Variants in AADACL4 observed in about 807,000 individuals in gnomAD.
The protein encoded by AADACL4 is arylacetamide deacetylase-like 4.
A neutral mutation model predicts 14.1 loss-of-function variants in AADACL4; 9 were observed. That is an observed-to-expected ratio of 0.64 (90% CI 0.39 to 1.12). The LOEUF is 1.12. Ranked by LOEUF, AADACL4 falls within the 50% of genes most tolerant of loss-of-function variation. The pLI, the probability that AADACL4 is intolerant of heterozygous loss-of-function variation, is 0.01. For synonymous variants in AADACL4, 188 were observed against 201.6 expected (o/e 0.93, Z 0.57); for missense variants, 531 against 516.1 (o/e 1.03, Z -0.28).
intron 1 of AADACL4, among the ~76,000 whole-genome samples, chr1:12,650,829 C>A (rs1164031286): frequency 6.6e-6 from 1 of 152,206 alleles, no homozygotes; most frequent in Non-Finnish European, 1.5e-5. Context: ...CTGCGCCCGG[C>A]CAACAATTGG....
chr1:12,648,678 C>T (rs1411695202), intron 1 of AADACL4, among the ~76,000 whole-genome samples: 3 of 151,754 alleles, frequency 2.0e-5, no homozygotes, highest in African/African-American at 4.8e-5. Flanking sequence ...GCTGGGATTA[C>T]AGGCGTGAGC....
At position 12,644,728 on chromosome 1, in the gene AADACL4, C is replaced by G. The variant is rs746157398; in HGVS notation, c.168+14C>G. 6.2e-7 allele frequency: 1 copy of G among 1,612,598 alleles called. No homozygotes were observed. The highest frequency in any genetic ancestry group is 2.2e-5 in the East Asian group (1 of 44,868). On this transcript the variant is annotated intron_variant, in intron 1 of 3. Transcript: ENST00000376221. ...CTGGTCACTTTGGTGAGTTTACTCT[C>G]AGGCCACGTCGTAACCTGGGGGCTT...
At chr1:12,661,289 A>T (rs149962069) in intron 2 of AADACL4, among the ~76,000 whole-genome samples, 132 of 152,302 alleles carry the variant, frequency 8.7e-4, no homozygotes, top group Non-Finnish European at 1.5e-3. Context: ...GAATGACTGC[A>T]TTAGAAGTGT....
At chr1:12,646,122 A>C (rs1309012517) in intron 1 of AADACL4, among the ~76,000 whole-genome samples, 1 of 152,160 alleles carries the variant, frequency 6.6e-6, no homozygotes, top group South Asian at 2.1e-4. Flanking sequence ...TGGAGACCTT[A>C]TAGAAGCCAA....
chr1:12,658,101 C>CTCTT lies in AADACL4; in HGVS notation c.386-3683_386-3680dup, dbSNP rs1283103773. The stretch of plus-strand genomic sequence containing the variant: ...TCTTTCTTTCTTTCTCTTTCTTTCT[C>CTCTT]TCTTTCTTTCCTTCCTTCCTTCCTT... On this transcript the variant is annotated intron_variant, in intron 2 of 3. Transcript: ENST00000376221. Among the ~76,000 whole-genome samples, 3 of 106,880 alleles carry CTCTT rather than the reference C, an allele frequency of 2.8e-5. 1 individual carries two copies. Among genetic ancestry groups the CTCTT allele is most frequent in the African/African-American group, 8.6e-5 (2 of 23,250 alleles). 70.1% of individuals were successfully genotyped at this position (106,880 alleles called of 152,430 possible). A position where few individuals can be genotyped will look rare whatever the true frequency, so the allele number is the denominator to read the frequency against.
rs575642830 is a variant in AADACL4 at position 12,663,227 on chromosome 1, C to A, written c.449+1373C>A. Among the ~76,000 whole-genome samples, 4 of 152,328 alleles carry A rather than the reference C, an allele frequency of 2.6e-5. No homozygotes were observed. In the East Asian group the frequency reaches 7.7e-4, roughly 29 times the overall value. On this transcript the variant is annotated intron_variant, in intron 3 of 3. Coordinates refer to ENST00000376221, the MANE Select transcript of AADACL4 (RefSeq NM_001013630.2). Reference sequence around the variant, plus strand: ...CTTTGGTTCTGCGAAGCCTTCACCTCTGGGTGAGTTTCTTAGTTTGGGCTG... The same window carrying A: ...CTTTGGTTCTGCGAAGCCTTCACCTATGGGTGAGTTTCTTAGTTTGGGCTG...
Position 12,666,267 on chromosome 1 carries a change from T to C in AADACL4, c.756T>C (p.Ser252=), listed in dbSNP as rs1391571663. The C allele has an allele frequency of 1.9e-6, 3 of 1,614,270 alleles. No individual in the cohort carries two copies. Among genetic ancestry groups the C allele is most frequent in the African/African-American group, 1.3e-5 (1 of 75,080 alleles). The part of the protein sequence containing the change: ...PLLSRKFMVT[S]LCNYLAIDLS... ...TTTCCCGGAAGTTCATGGTGACTTCTCTGTGTAACTATCTGGCCATTGACC... is the reference window on the plus strand; with the variant it reads ...TTTCCCGGAAGTTCATGGTGACTTCCCTGTGTAACTATCTGGCCATTGACC... Residue 252 remains serine (S), a synonymous_variant, in exon 4 of 4, where the codon TCT becomes TCC. Transcript: ENST00000376221.
intron 3 of AADACL4, among the ~76,000 whole-genome samples, chr1:12,664,951 C>T (rs1425566427): frequency 1.3e-5 from 2 of 152,200 alleles, no homozygotes; most frequent in Admixed American, 1.3e-4. Flanking sequence ...GACCAACGCC[C>T]TAGTGTTCTT....
chr1:12,644,823 C>T, intron 1 of AADACL4, 109 bp downstream of exon 1: 1 of 1,244,544 alleles, frequency 8.0e-7, no homozygotes, highest in Non-Finnish European at 1.1e-6. Flanking sequence ...TCTCTTCGGA[C>T]TCCCTCAAGA....
chr1:12,659,906 C>A (rs1156640356), intron 2 of AADACL4, among the ~76,000 whole-genome samples: 5 of 151,780 alleles, frequency 3.3e-5, no homozygotes, highest in African/African-American at 9.7e-5. Context: ...GCAGCCTCAA[C>A]CTCCTGGGCT....
intron 1 of AADACL4, among the ~76,000 whole-genome samples, chr1:12,647,758 T>C (rs1647120241): frequency 6.6e-6 from 1 of 151,712 alleles, no homozygotes; most frequent in Admixed American, 6.6e-5. Context: ...TGGGCTCAGG[T>C]GATCCTCCCA....
chr1:12,645,164 T>C, intron 1 of AADACL4, among the ~76,000 whole-genome samples: 1 of 135,994 alleles, frequency 7.4e-6, no homozygotes, highest in South Asian at 2.6e-4. Flanking sequence ...TCATTCTCTC[T>C]CTTCCTATCT....
rs1185694242 is a variant in AADACL4 at position 12,653,055 on chromosome 1, G to A, written c.385+1716G>A. ...TCTCCTATACTTAGGGGTTGATGACGGGGGAGGTCAGTCTTCAGTATCTAC... is the reference window on the plus strand; with the variant it reads ...TCTCCTATACTTAGGGGTTGATGACAGGGGAGGTCAGTCTTCAGTATCTAC... On this transcript the variant is annotated intron_variant, in intron 2 of 3. Transcript: ENST00000376221. Among the ~76,000 whole-genome samples, 8 of 152,210 alleles carry A rather than the reference G, an allele frequency of 5.3e-5. No individual in the cohort carries two copies. The South Asian group carries it at 6.2e-4, about 12-fold the overall frequency.
intron 1 of AADACL4, among the ~76,000 whole-genome samples, chr1:12,648,073 C>A (rs187740020): frequency 6.6e-6 from 1 of 152,200 alleles, no homozygotes; most frequent in Admixed American, 6.5e-5. Flanking sequence ...CAGGTTCAAG[C>A]GATTCTCCTG....
intron 1 of AADACL4, among the ~76,000 whole-genome samples, chr1:12,645,740 C>T (rs1413010443): frequency 2.6e-5 from 4 of 151,876 alleles, no homozygotes; most frequent in African/African-American, 7.3e-5. Flanking sequence ...GACAGGGTTT[C>T]GCTATGTTGC....
chr1:12,665,198 A>G (rs963930735), intron 3 of AADACL4, among the ~76,000 whole-genome samples: 7 of 151,852 alleles, frequency 4.6e-5, no homozygotes, highest in Non-Finnish European at 1.0e-4. Flanking sequence ...TGCCTAGCCA[A>G]TTCTTTTAAA....
At chr1:12,652,630 G>C (rs540454188) in intron 2 of AADACL4, among the ~76,000 whole-genome samples, 1 of 152,352 alleles carries the variant, frequency 6.6e-6, no homozygotes, top group Admixed American at 6.5e-5. Flanking sequence ...CAGGCGCAAA[G>C]AAATGCTACC....
intron 2 of AADACL4, among the ~76,000 whole-genome samples, chr1:12,656,475 C>T (rs978228082): frequency 3.9e-5 from 6 of 152,116 alleles, no homozygotes; most frequent in African/African-American, 1.4e-4. Flanking sequence ...CCAGGTAAAG[C>T]TTGGGAGTAG....
chr1:12,661,980 A>C, intron 3 of AADACL4, 126 bp downstream of exon 3: 1 of 1,057,744 alleles, frequency 9.5e-7, no homozygotes, highest in Non-Finnish European at 1.4e-6. Context: ...GCATCCACAG[A>C]GACAGGCGCA....
Sources: allele counts gnomAD v4.1 joint callset (sites outside exome capture counted in the v4.1 genomes callset), GRCh38; gene constraint gnomAD v4.1.1; transcripts MANE v1.5; gene names NCBI Gene and HGNC (gene_info 2026-07-23, HGNC 2026-07-21).